IAPP: variants seen among roughly 807,000 people sequenced by gnomAD.
IAPP encodes islet amyloid polypeptide.
Under a neutral mutation model 2.9 loss-of-function variants are expected in IAPP, and 4 were observed. The observed-to-expected ratio is 1.39, with a 90% confidence interval of 0.69 to 3.19. IAPP has a LOEUF of 3.19. IAPP is among the 30% of genes most tolerant of loss of function. IAPP has a pLI of 0.01. For synonymous variants in IAPP, 40 were observed against 42.1 expected, an observed-to-expected ratio of 0.95 and a Z score of 0.19; for missense variants, 114 against 105.3, an observed-to-expected ratio of 1.08 and a Z score of -0.36.
At chr12:21,357,262 G>A (rs1938441409) in intron 1 of IAPP, among the ~76,000 whole-genome samples, 1 of 152,102 alleles carries the variant, frequency 6.6e-6, no homozygotes. Flanking sequence ...TATAACTGGT[G>A]GACGTATAAA....
chr12:21,377,936 T>G (rs1189738611), intron 2 of IAPP, among the ~76,000 whole-genome samples: 1 of 152,192 alleles, frequency 6.6e-6, no homozygotes, highest in African/African-American at 2.4e-5. Flanking sequence ...TTTTTAAAAA[T>G]GTAAGACAAA....
intron 1 of IAPP, among the ~76,000 whole-genome samples, chr12:21,364,383 T>G (rs1055485135): frequency 6.6e-5 from 10 of 152,184 alleles, no homozygotes; most frequent in Non-Finnish European, 1.0e-4. Context: ...AACTAGGTAT[T>G]GATGGGATGT....
intron 1 of IAPP, among the ~76,000 whole-genome samples, chr12:21,363,557 G>A (rs1489320820): frequency 1.3e-5 from 2 of 152,162 alleles, no homozygotes; most frequent in African/African-American, 4.8e-5. Context: ...GAGCAGAACT[G>A]AAGTAGATAG....
intron 1 of IAPP, among the ~76,000 whole-genome samples, chr12:21,363,056 C>G (rs1237383496): frequency 6.6e-6 from 1 of 152,344 alleles, no homozygotes; most frequent in East Asian, 1.9e-4. Flanking sequence ...TAATAGACAT[C>G]TACAGAACTC....
chr12:21,379,092 TAGTAATTGTA>T lies in IAPP; in HGVS notation c.*671_*680del, dbSNP rs1940419808. The T allele has an allele frequency of 6.6e-6, 1 of 152,002 alleles. No individual in the cohort carries two copies. Among genetic ancestry groups the T allele is most frequent in the South Asian group, 2.1e-4 (1 of 4,824 alleles). 9.4% of individuals were successfully genotyped at this position (152,002 alleles called of 1,614,324 possible). Reference sequence around the variant, plus strand: ...TCGTCTCAAAAAAAAGAAAGAAAATTAGTAATTGTAAGTACCCCTGATAAGCAAATTAGTA... The same window carrying T: ...TCGTCTCAAAAAAAAGAAAGAAAATTAGTACCCCTGATAAGCAAATTAGTA... On this transcript the variant is annotated 3_prime_UTR_variant, in exon 3 of 3. Transcript: ENST00000240652.
intron 1 of IAPP, among the ~76,000 whole-genome samples, chr12:21,365,655 A>T (rs1204017883): frequency 6.6e-6 from 1 of 152,180 alleles, no homozygotes; most frequent in African/African-American, 2.4e-5. Context: ...CCATCTGACA[A>T]AGGGCTAATA....
At chr12:21,370,871 G>A (rs1488206924), upstream of IAPP, among the ~76,000 whole-genome samples, 1 of 152,182 alleles carries the variant, frequency 6.6e-6, no homozygotes, top group Non-Finnish European at 1.5e-5. Flanking sequence ...GAACAGGTGA[G>A]ACCCAAACTG....
chr12:21,360,720 T>C (rs1304315888), intron 1 of IAPP, among the ~76,000 whole-genome samples: 4 of 152,130 alleles, frequency 2.6e-5, no homozygotes, highest in African/African-American at 9.7e-5. Flanking sequence ...CCTTAGCAAA[T>C]GGCACACCAG....
At chr12:21,364,028 T>G (rs1231186103) in intron 1 of IAPP, among the ~76,000 whole-genome samples, 2 of 152,048 alleles carry the variant, frequency 1.3e-5, no homozygotes, top group Non-Finnish European at 2.9e-5. Context: ...AAAGAGGGAA[T>G]CCTCCCTCAG....
chr12:21,377,291 A>C (rs1940269464), intron 2 of IAPP, among the ~76,000 whole-genome samples: 1 of 152,204 alleles, frequency 6.6e-6, no homozygotes, highest in Non-Finnish European at 1.5e-5. Context: ...CTCACACTGC[A>C]ATAGAGTACC....
rs553337767 is a variant in IAPP, at chr12:21,360,899, C to T, written c.-16+5886C>T. Among the ~76,000 whole-genome samples, 7 of 152,246 alleles carry T rather than the reference C, an allele frequency of 4.6e-5. No individual in the cohort carries two copies. The South Asian group carries it at 6.2e-4, about 14-fold the overall frequency. On this transcript the variant is annotated intron_variant, in intron 1 of 2. Coordinates refer to the IAPP transcript ENST00000539393. ...AACAAAGCAGCTAGGAACTCGAACT[C>T]GGTGGAGCCCACCGCAGCTCAAGGA...
At chr12:21,372,698 T>G (rs1591894009), upstream of IAPP, among the ~76,000 whole-genome samples, 1 of 151,606 alleles carries the variant, frequency 6.6e-6, no homozygotes, top group East Asian at 1.9e-4. Flanking sequence ...GACACACCAT[T>G]AACTGCACAA....
chr12:21,366,784 AGTT>A lies in IAPP; in HGVS notation c.-15-6549_-15-6547del, dbSNP rs1481918847. ...TGAAAATTAAAAATATGATTGTAGA[AGTT>A]GTTTTTTTATGGAAAAGTTGGTAGA... On this transcript the variant is annotated intron_variant, in intron 1 of 2. Transcript: ENST00000539393. Among the ~76,000 whole-genome samples the A allele has an allele frequency of 2.0e-5, 3 of 151,950 alleles. No individual in the cohort carries two copies. The East Asian group carries it at 5.8e-4, about 29-fold the overall frequency.
In IAPP at chr12:21,360,322, C is replaced by T. The variant is rs866877155; in HGVS notation, c.-16+5309C>T. Among the ~76,000 whole-genome samples, 10 of 152,202 alleles carry T rather than the reference C, an allele frequency of 6.6e-5. 1 individual carries two copies. The South Asian group carries it at 1.5e-3, about 22-fold the overall frequency. On this transcript the variant is annotated intron_variant, in intron 1 of 2. Coordinates refer to the IAPP transcript ENST00000539393. ...GTGCAGTTTATTGAATTTTGATAAT[C>T]CCTAAATGAAGGTGTAAAACGACAC...
intron 2 of IAPP, among the ~76,000 whole-genome samples, chr12:21,375,806 C>G (rs1197898690): frequency 6.6e-6 from 1 of 152,164 alleles, no homozygotes; most frequent in Non-Finnish European, 1.5e-5. Flanking sequence ...TTTAAACTCT[C>G]TTAAAGTCAA....
At chr12:21,364,998 T>A (rs1004973787) in intron 1 of IAPP, among the ~76,000 whole-genome samples, 1 of 152,092 alleles carries the variant, frequency 6.6e-6, no homozygotes, top group Non-Finnish European at 1.5e-5. Flanking sequence ...TTCAATGCCA[T>A]CCCCATCAAG....
intron 1 of IAPP, among the ~76,000 whole-genome samples, chr12:21,361,159 T>C (rs1225429248): frequency 7.5e-6 from 1 of 133,872 alleles, no homozygotes; most frequent in African/African-American, 2.9e-5. Context: ...AGACACCTCA[T>C]ACGGGGGATG....
intron 1 of IAPP, among the ~76,000 whole-genome samples, chr12:21,355,568 T>C (rs1383179972): frequency 6.6e-6 from 1 of 152,158 alleles, no homozygotes; most frequent in Non-Finnish European, 1.5e-5. Flanking sequence ...GTTTCCTATA[T>C]TACCCTTAAT....
intron 2 of IAPP, among the ~76,000 whole-genome samples, chr12:21,376,770 A>G (rs1940225963): frequency 6.6e-6 from 1 of 152,136 alleles, no homozygotes; most frequent in Admixed American, 6.5e-5. Context: ...ACACAATGAG[A>G]TAAATCCATT....
Sources: allele counts gnomAD v4.1 joint callset (sites outside exome capture counted in the v4.1 genomes callset), GRCh38; gene constraint gnomAD v4.1.1; transcripts MANE v1.5; gene names NCBI Gene and HGNC (gene_info 2026-07-23, HGNC 2026-07-21).